DLGAP2: variants seen among roughly 807,000 people sequenced by gnomAD.
DLGAP2 encodes disks large-associated protein 2.
A neutral mutation model predicts 100.3 loss-of-function variants in DLGAP2; 26 were observed. The observed-to-expected ratio is 0.26, with a 90% confidence interval of 0.19 to 0.36. DLGAP2 has a LOEUF of 0.36. DLGAP2 is among the 10% of genes least tolerant of loss of function. The pLI is 1.00. For missense variants in DLGAP2, 1,858 were observed against 1,453.2 expected, an observed-to-expected ratio of 1.28 and a Z score of -4.53; for synonymous variants, 886 against 630.1, an observed-to-expected ratio of 1.41 and a Z score of -6.08.
intron 2 of DLGAP2, among the ~76,000 whole-genome samples, chr8:931,510 A>T (rs1272738950): frequency 6.6e-6 from 1 of 152,086 alleles, no homozygotes; most frequent in African/African-American, 2.4e-5. Flanking sequence ...AATCCCAGGT[A>T]TCTCGGCCGT....
At chr8:969,209 A>T (rs1432053205) in intron 2 of DLGAP2, among the ~76,000 whole-genome samples, 1 of 152,204 alleles carries the variant, frequency 6.6e-6, no homozygotes, top group African/African-American at 2.4e-5. Context: ...CAAGTCTGAG[A>T]GAATTCCTGC....
intron 1 of DLGAP2, among the ~76,000 whole-genome samples, chr8:814,700 A>G (rs1796431239): frequency 6.6e-6 from 1 of 151,884 alleles, no homozygotes; most frequent in African/African-American, 2.4e-5. Context: ...ACAAAAAAAA[A>G]AAATTAGCTG....
intron 1 of DLGAP2, among the ~76,000 whole-genome samples, chr8:866,364 C>A (rs892705407): frequency 2.6e-5 from 4 of 152,228 alleles, no homozygotes; most frequent in African/African-American, 9.6e-5. Context: ...CAGTGCCAGG[C>A]GGGCGCAGGT....
intron 2 of DLGAP2, among the ~76,000 whole-genome samples, chr8:987,132 A>C (rs940601950): frequency 1.3e-5 from 2 of 152,014 alleles, no homozygotes; most frequent in African/African-American, 4.8e-5. Context: ...TTCTTCCTGA[A>C]TTCTCTCTGC....
chr8:918,530 C>T (rs995165828), intron 2 of DLGAP2, among the ~76,000 whole-genome samples: 3 of 152,138 alleles, frequency 2.0e-5, no homozygotes, highest in African/African-American at 4.8e-5. Context: ...TGTGTCTGTG[C>T]CCCGCTGTGT....
chr8:1,319,028 T>C (rs769604619), intron 3 of DLGAP2, among the ~76,000 whole-genome samples: 78 of 148,428 alleles, frequency 5.3e-4, no homozygotes, highest in Admixed American at 1.1e-3. Context: ...CAGTGCGAGC[T>C]CGGTGGCGAA....
chr8:1,495,258 C>T (rs905297347), intron 3 of DLGAP2, among the ~76,000 whole-genome samples: 1 of 151,680 alleles, frequency 6.6e-6, no homozygotes, highest in African/African-American at 2.4e-5. Context: ...GGAGAAGCGA[C>T]ACCAGACAGC....
chr8:1,417,949 C>A (rs903590879), intron 3 of DLGAP2, among the ~76,000 whole-genome samples: 1 of 151,756 alleles, frequency 6.6e-6, no homozygotes, highest in South Asian at 2.1e-4. Context: ...CACTGACATT[C>A]GTCTGTCGTG....
chr8:1,359,682 C>T (rs1358459836), intron 3 of DLGAP2, among the ~76,000 whole-genome samples: 1 of 152,234 alleles, frequency 6.6e-6, no homozygotes, highest in Admixed American at 6.5e-5. Flanking sequence ...CCTCCCAATC[C>T]CACGGTAGAC....
chr8:1,508,714 A>G (rs1800043498), intron 4 of DLGAP2, among the ~76,000 whole-genome samples: 1 of 150,564 alleles, frequency 6.6e-6, no homozygotes, highest in African/African-American at 2.4e-5. Flanking sequence ...ACTGCTGCGC[A>G]CAGGAGGGAA....
intron 3 of DLGAP2, among the ~76,000 whole-genome samples, chr8:1,359,762 G>T (rs1029138594): frequency 6.6e-6 from 1 of 152,244 alleles, no homozygotes; most frequent in Admixed American, 6.5e-5. Flanking sequence ...TGGAGGGAGG[G>T]CATTAGTATT....
chr8:1,085,584 G>A (rs772776159), intron 2 of DLGAP2, among the ~76,000 whole-genome samples: 1 of 152,220 alleles, frequency 6.6e-6, no homozygotes, highest in Non-Finnish European at 1.5e-5. Flanking sequence ...CTGTGCATGT[G>A]TGGGTTCGTT....
chr8:1,584,160 G>A (rs940482868), intron 6 of DLGAP2, among the ~76,000 whole-genome samples: 3 of 152,128 alleles, frequency 2.0e-5, no homozygotes, highest in Non-Finnish European at 4.4e-5. Context: ...TCACACACTG[G>A]ATGAATGGAT....
chr8:1,121,425 G>A (rs1328540500), intron 2 of DLGAP2, among the ~76,000 whole-genome samples: 1 of 151,082 alleles, frequency 6.6e-6, no homozygotes, highest in Non-Finnish European at 1.5e-5. Context: ...CAGAACCCCT[G>A]ACCACCCATC....
chr8:1,376,157 A>G (rs1440203967), intron 3 of DLGAP2, among the ~76,000 whole-genome samples: 3 of 151,918 alleles, frequency 2.0e-5, no homozygotes, highest in Admixed American at 6.6e-5. Flanking sequence ...CTGTTTCTCA[A>G]ATAAGACAAA....
chr8:1,178,908 C>T (rs1185668178), intron 2 of DLGAP2, among the ~76,000 whole-genome samples: 1 of 152,162 alleles, frequency 6.6e-6, no homozygotes, highest in African/African-American at 2.4e-5. Context: ...CACACCATTG[C>T]CCCTTCAGCC....
chr8:1,692,486 G>A (rs949514484), intron 13 of DLGAP2, among the ~76,000 whole-genome samples: 3 of 152,070 alleles, frequency 2.0e-5, no homozygotes, highest in Non-Finnish European at 2.9e-5. Flanking sequence ...AAGCAGTACC[G>A]AGGCAGGGAG....
intron 4 of DLGAP2, among the ~76,000 whole-genome samples, chr8:1,506,339 G>A (rs918040596): frequency 6.6e-6 from 1 of 152,180 alleles, no homozygotes; most frequent in Non-Finnish European, 1.5e-5. Flanking sequence ...TTACATTGTA[G>A]GTTCTTGGTC....
At chr8:744,186 C>T (rs753707922) in intron 1 of DLGAP2, among the ~76,000 whole-genome samples, 7 of 152,170 alleles carry the variant, frequency 4.6e-5, no homozygotes, top group Non-Finnish European at 7.3e-5. Flanking sequence ...AGTGCTCGTT[C>T]GCTCAGCAAG....
Sources: gnomAD v4.1 joint callset for allele counts (sites outside exome capture counted in the v4.1 genomes callset) on GRCh38, gnomAD v4.1.1 for gene constraint, MANE v1.5 for transcripts, NCBI Gene and HGNC (gene_info 2026-07-23, HGNC 2026-07-21) for gene names.